Variants in CPA3 observed in about 807,000 individuals in gnomAD.
CPA3 encodes mast cell carboxypeptidase A.
Under a neutral mutation model 55.8 loss-of-function variants are expected in CPA3, and 52 were observed. That is an observed-to-expected ratio of 0.93 (90% CI 0.75 to 1.17). The LOEUF (loss-of-function observed/expected upper bound fraction) is 1.17, where lower values mean the gene tolerates loss of function less well. CPA3 is among the 50% of genes most tolerant of loss of function. CPA3 has a pLI of 0.00. For missense variants in CPA3, 547 were observed against 509.1 expected (o/e 1.07, Z -0.72); for synonymous variants, 179 against 171.2 (o/e 1.05, Z -0.36).
chr3:148,891,019 C>A (rs930626276), intron 10 of CPA3, among the ~76,000 whole-genome samples: 1 of 152,178 alleles, frequency 6.6e-6, no homozygotes, highest in East Asian at 1.9e-4. Flanking sequence ...TAGCACAGTA[C>A]AATGATTAAC....
At chr3:148,879,318 A>G (rs922109901) in intron 5 of CPA3, among the ~76,000 whole-genome samples, 3 of 151,988 alleles carry the variant, frequency 2.0e-5, no homozygotes, top group Admixed American at 6.6e-5. Flanking sequence ...ACAAACCTGC[A>G]CTCTCTTCAA....
At chr3:148,873,527 C>T (rs1387580010) in intron 3 of CPA3, among the ~76,000 whole-genome samples, 1 of 152,204 alleles carries the variant, frequency 6.6e-6, no homozygotes, top group Non-Finnish European at 1.5e-5. Context: ...CTTCTCTGAA[C>T]CTCTTACTTG....
At chr3:148,869,072 A>G in intron 3 of CPA3, 33 bp downstream of exon 3, 1 of 1,605,588 alleles carries the variant, frequency 6.2e-7, no homozygotes, top group Non-Finnish European at 8.5e-7. Flanking sequence ...AATTTGTTGG[A>G]TATTCAAAGT....
At chr3:148,882,402 A>T in intron 7 of CPA3, 103 bp from the exon 8 acceptor site, 1 of 782,316 alleles carries the variant, frequency 1.3e-6, no homozygotes, top group Non-Finnish European at 2.1e-6. Context: ...AACTAGATAG[A>T]TTTCAAATAA....
intron 10 of CPA3, among the ~76,000 whole-genome samples, chr3:148,896,069 A>G (rs1714818857): frequency 6.6e-6 from 1 of 152,226 alleles, no homozygotes; most frequent in Non-Finnish European, 1.5e-5. Flanking sequence ...TCTTTTGACT[A>G]TGAAATAGTT....
At chr3:148,889,442 A>C (rs1714612576) in intron 10 of CPA3, among the ~76,000 whole-genome samples, 7 of 152,172 alleles carry the variant, frequency 4.6e-5, no homozygotes. Flanking sequence ...CCTTTAGAAA[A>C]AAATATATAT....
At chr3:148,895,006 T>C (rs1288620816) in intron 10 of CPA3, among the ~76,000 whole-genome samples, 1 of 152,210 alleles carries the variant, frequency 6.6e-6, no homozygotes, top group Non-Finnish European at 1.5e-5. Flanking sequence ...CCAATGTTTC[T>C]TATGTAGAAT....
intron 9 of CPA3, among the ~76,000 whole-genome samples, chr3:148,885,673 G>A (rs1390222848): frequency 3.9e-5 from 6 of 152,166 alleles, no homozygotes; most frequent in Non-Finnish European, 7.4e-5. Flanking sequence ...GCCTCCGCAA[G>A]TGCTGGGATT....
intron 3 of CPA3, among the ~76,000 whole-genome samples, chr3:148,874,910 T>C (rs1204654209): frequency 6.6e-6 from 1 of 152,154 alleles, no homozygotes; most frequent in Non-Finnish European, 1.5e-5. Flanking sequence ...TGACCCAACT[T>C]CACTATTATT....
intron 2 of CPA3, among the ~76,000 whole-genome samples, chr3:148,867,224 T>C (rs1040035289): frequency 5.3e-5 from 8 of 152,224 alleles, no homozygotes; most frequent in Non-Finnish European, 7.3e-5. Flanking sequence ...CATGAAAATG[T>C]GTTTCTCTCC....
Position 148,886,128 on chromosome 3 carries a change from A to G in CPA3, c.1017A>G (p.Ser339=). Residue 339 remains serine (S), a synonymous_variant, in exon 10 of 11, where the codon TCA becomes TCG. Transcript: ENST00000296046. ...CAAAGATTGGCACTGATGTTCTATC[A>G]ACTCGATATGAAACCCGCTACATCT... ...KVAKIGTDVL[S]TRYETRYIYG... 1 of 1,613,768 alleles carries G rather than the reference A, an allele frequency of 6.2e-7. No homozygotes were observed. Among genetic ancestry groups the G allele is most frequent in the Non-Finnish European group, 8.5e-7 (1 of 1,179,882 alleles).
chr3:148,872,036 C>T lies in CPA3; in HGVS notation c.269+2997C>T, dbSNP rs555211714. Among the ~76,000 whole-genome samples, 232 of 151,874 alleles carry T rather than the reference C, an allele frequency of 1.5e-3. 1 individual carries two copies. The highest frequency in any genetic ancestry group is 2.8e-3 in the Non-Finnish European group (192 of 68,016). On this transcript the variant is annotated intron_variant, in intron 3 of 10. Transcript: ENST00000296046. Reference sequence around the variant, plus strand: ...CACAAAGATTTACTTACACACCCTTCATTAGACAGGGTATATCAACTACTA... The same window carrying T: ...CACAAAGATTTACTTACACACCCTTTATTAGACAGGGTATATCAACTACTA...
intron 10 of CPA3, among the ~76,000 whole-genome samples, chr3:148,889,914 A>T (rs1374757382): frequency 6.6e-6 from 1 of 151,464 alleles, no homozygotes; most frequent in East Asian, 1.9e-4. Flanking sequence ...TTTAAAATAC[A>T]TGAATGATTA....
rs1210655332 is a variant in CPA3, at chr3:148,891,495, CACACACACACACACACAT to C, written c.1067-5007_1067-4990del. On this transcript the variant is annotated intron_variant, in intron 10 of 10. Coordinates refer to ENST00000296046, the MANE Select transcript of CPA3 (RefSeq NM_001870.4). ...ACCCTGTCACATACACACACACACA[CACACACACACACACACAT>C]ACACACACACACACACACAAATTCT... is the stretch of plus-strand genomic sequence containing the variant. Among the ~76,000 whole-genome samples the C allele has an allele frequency of 1.9e-3, 281 of 149,916 alleles. 2 individuals are homozygous for C. The highest frequency in any genetic ancestry group is 6.7e-3 in the African/African-American group (268 of 40,208).
At chr3:148,877,920 G>A (rs1201642769) in intron 3 of CPA3, among the ~76,000 whole-genome samples, 4 of 152,254 alleles carry the variant, frequency 2.6e-5, no homozygotes, top group Non-Finnish European at 4.4e-5. Flanking sequence ...ATGTAGATGT[G>A]TGTGTGTTTT....
chr3:148,865,585 G>A, intron 2 of CPA3, 37 bp downstream of exon 2: 1 of 1,557,572 alleles, frequency 6.4e-7, no homozygotes, highest in South Asian at 1.1e-5. Context: ...TTTTCTTACT[G>A]TTCTCTAAAA....
Position 148,884,618 on chromosome 3 carries a change from C to T in CPA3, c.981+803C>T, listed in dbSNP as rs1714476235. 4.6e-5 allele frequency among the ~76,000 whole-genome samples: 7 copies of T among 152,178 alleles called. No homozygotes were observed. In the South Asian group the frequency reaches 1.5e-3, roughly 32 times the overall value. ...GAGGTTACAATTTTCATTCTGACCT[C>T]AGTCCATTGTATTTAGCACAACAGC... On this transcript the variant is annotated intron_variant, in intron 9 of 10. Coordinates refer to ENST00000296046, the MANE Select transcript of CPA3 (RefSeq NM_001870.4).
chr3:148,884,196 T>C (rs530555826), intron 9 of CPA3, among the ~76,000 whole-genome samples: 1 of 152,232 alleles, frequency 6.6e-6, no homozygotes, highest in Non-Finnish European at 1.5e-5. Context: ...CCCCCAGATA[T>C]CAGATTTAAG....
Position 148,896,972 on chromosome 3 carries a change from T to C in CPA3, c.*265T>C, listed in dbSNP as rs1237381505. 4 of 277,420 alleles carry C rather than the reference T, an allele frequency of 1.4e-5. No individual in the cohort carries two copies. Among genetic ancestry groups the C allele is most frequent in the African/African-American group, 2.2e-5 (1 of 46,084 alleles). 17.2% of individuals were successfully genotyped at this position (277,420 alleles called of 1,614,324 possible). ...GAAAGCATTATTTTGAAAGGTGATA[T>C]ACAGTGGGGCACAGAAAACAAATGA... On this transcript the variant is annotated 3_prime_UTR_variant, in exon 11 of 11. Transcript: ENST00000296046.
Sources: gnomAD v4.1 joint callset for allele counts (sites outside exome capture counted in the v4.1 genomes callset) on GRCh38, gnomAD v4.1.1 for gene constraint, MANE v1.5 for transcripts, NCBI Gene and HGNC (gene_info 2026-07-23, HGNC 2026-07-21) for gene names.